SARNP: variants seen among roughly 807,000 people sequenced by gnomAD.
SARNP encodes the protein SAP domain-containing ribonucleoprotein.
In SARNP, 5 loss-of-function variants were observed where a neutral mutation model predicts 38.1. The ratio of observed to expected loss-of-function variants is 0.13; its 90% CI spans 0.07 to 0.28. The LOEUF (loss-of-function observed/expected upper bound fraction) is 0.28, where lower values mean the gene tolerates loss of function less well. Among genes scored for constraint, SARNP ranks in the 10% least tolerant of loss-of-function variants. The pLI is 1.00. For missense variants in SARNP, 180 were observed against 243.9 expected (o/e 0.74, Z 1.75); for synonymous variants, 84 against 80.6 (o/e 1.04, Z -0.23).
chr12:55,793,365 AG>A (rs1427354640), intron 7 of SARNP: 2 of 152,240 alleles, frequency 1.3e-5, no homozygotes, highest in Non-Finnish European at 2.9e-5. Flanking sequence ...ACAAGCAAAA[AG>A]AAATAAATCA....
At chr12:55,816,669 A>G (rs1280532741) in intron 1 of SARNP, among the ~76,000 whole-genome samples, 2 of 152,260 alleles carry the variant, frequency 1.3e-5, no homozygotes. Context: ...GTTTGTCCAA[A>G]ACATCTAATG....
At chr12:55,768,419 C>T (rs1176361425) in intron 9 of SARNP, among the ~76,000 whole-genome samples, 5 of 151,436 alleles carry the variant, frequency 3.3e-5, no homozygotes, top group African/African-American at 1.2e-4. Context: ...CATGAGCCAC[C>T]GTGCCCAGCC....
chr12:55,800,761 T>C, intron 3 of SARNP, 93 bp downstream of exon 3: 1 of 1,332,592 alleles, frequency 7.5e-7, no homozygotes, highest in Non-Finnish European at 1.1e-6. Context: ...CCCTAATAAA[T>C]TTACATCTAA....
At chr12:55,795,703 G>A (rs1879799533) in intron 5 of SARNP, among the ~76,000 whole-genome samples, 1 of 152,328 alleles carries the variant, frequency 6.6e-6, no homozygotes, top group African/African-American at 2.4e-5. Flanking sequence ...CTGGCCAGTA[G>A]CAACATAAGA....
chr12:55,807,411 T>TA (rs1036332416), intron 1 of SARNP, among the ~76,000 whole-genome samples: 4 of 152,056 alleles, frequency 2.6e-5, no homozygotes, highest in African/African-American at 9.7e-5. Context: ...GGCTTATGCT[T>TA]ACAATTCCAG....
At chr12:55,810,050 GAA>G (rs1395945992) in intron 1 of SARNP, among the ~76,000 whole-genome samples, 2 of 152,120 alleles carry the variant, frequency 1.3e-5, no homozygotes, top group Non-Finnish European at 2.9e-5. Context: ...AACCCACAGA[GAA>G]AAGACATATC....
intron 9 of SARNP, among the ~76,000 whole-genome samples, chr12:55,765,747 T>C (rs1016349175): frequency 6.6e-6 from 1 of 151,952 alleles, no homozygotes; most frequent in Non-Finnish European, 1.5e-5. Context: ...ACAACAACAA[T>C]ACATCGTTCC....
At chr12:55,776,691 A>G (rs1879192817) in intron 9 of SARNP, among the ~76,000 whole-genome samples, 1 of 152,174 alleles carries the variant, frequency 6.6e-6, no homozygotes, top group Non-Finnish European at 1.5e-5. Context: ...GGGAGTGTGG[A>G]TAGATATTGC....
At chr12:55,808,342 G>C (rs368635364) in intron 1 of SARNP, among the ~76,000 whole-genome samples, 1 of 151,642 alleles carries the variant, frequency 6.6e-6, no homozygotes, top group African/African-American at 2.4e-5. Flanking sequence ...TTTTGAGATG[G>C]AGTTTCACTC....
At chr12:55,797,292 C>T (rs985175359) in intron 4 of SARNP, among the ~76,000 whole-genome samples, 8 of 152,158 alleles carry the variant, frequency 5.3e-5, no homozygotes, top group Non-Finnish European at 7.3e-5. Context: ...CTGACTATAA[C>T]GAAGTCCTAC....
At chr12:55,788,307 G>A (rs1879564482) in intron 9 of SARNP, among the ~76,000 whole-genome samples, 1 of 152,026 alleles carries the variant, frequency 6.6e-6, no homozygotes, top group African/African-American at 2.4e-5. Flanking sequence ...TCAGTTAGCT[G>A]AGGGGCATAA....
chr12:55,756,288 T>G (rs78380841), downstream of SARNP: 18 of 152,184 alleles, frequency 1.2e-4, no homozygotes, highest in African/African-American at 4.3e-4. Flanking sequence ...TGGGGCAAAC[T>G]TCACAACAAA....
At chr12:55,793,397 AGATAAGAGTATTAACAAT>A (rs1330598507) in intron 7 of SARNP, 1 of 152,174 alleles carries the variant, frequency 6.6e-6, no homozygotes, top group Admixed American at 6.6e-5. Context: ...CACCAACCAG[AGATAAGAGTATTAACAAT>A]TTAGAATACA....
At chr12:55,771,269 A>G (rs1879000802) in intron 9 of SARNP, among the ~76,000 whole-genome samples, 1 of 152,048 alleles carries the variant, frequency 6.6e-6, no homozygotes, top group Non-Finnish European at 1.5e-5. Context: ...ACCTTCTTCA[A>G]TCTTATTACC....
At chr12:55,790,348 AG>A (rs1408021880) in intron 8 of SARNP, among the ~76,000 whole-genome samples, 8 of 152,318 alleles carry the variant, frequency 5.3e-5, no homozygotes, top group Non-Finnish European at 1.0e-4. Context: ...AAAGAGTGGT[AG>A]GAAGGAAGAC....
Position 55,781,287 on chromosome 12 carries a change from T to C in SARNP, c.501+7788A>G, listed in dbSNP as rs534140202. ...ACAAGCTCCTCAAAAACAAGGCAGGTCCCTTTGGGAGGCCAAGGCAGGCAG... is the reference window on the plus strand; with the variant it reads ...ACAAGCTCCTCAAAAACAAGGCAGGCCCCTTTGGGAGGCCAAGGCAGGCAG... On this transcript the variant is annotated intron_variant, in intron 9 of 10. Coordinates refer to ENST00000336133, the MANE Select transcript of SARNP (RefSeq NM_033082.4). Among the ~76,000 whole-genome samples the C allele has an allele frequency of 1.2e-4, 19 of 152,104 alleles. No individual in the cohort carries two copies. In the South Asian group the frequency reaches 3.9e-3, roughly 32 times the overall value.
intron 9 of SARNP, among the ~76,000 whole-genome samples, chr12:55,766,160 C>A (rs141328071): frequency 7.2e-5 from 11 of 152,278 alleles, no homozygotes; most frequent in African/African-American, 2.6e-4. Flanking sequence ...ATTTGAAAAC[C>A]TTTCCCTTCT....
At position 55,810,521 on chromosome 12, in the gene SARNP, C is replaced by T. The variant is rs149083513; in HGVS notation, c.37-6793G>A. ...AGGCTGGAGTACAGTGGCACAATCT[C>T]GGCTCACTGCAACCTCCGTCTCTCC... On this transcript the variant is annotated intron_variant, in intron 1 of 10. Coordinates refer to ENST00000336133, the MANE Select transcript of SARNP (RefSeq NM_033082.4). Among the ~76,000 whole-genome samples, 89 of 151,024 alleles carry T rather than the reference C, an allele frequency of 5.9e-4. No individual in the cohort carries two copies. The East Asian group carries it at 0.017, about 28-fold the overall frequency.
downstream of SARNP, chr12:55,754,980 G>A (rs551173751): frequency 6.6e-6 from 1 of 152,234 alleles, no homozygotes; most frequent in African/African-American, 2.4e-5. Flanking sequence ...GAAAGTTAGG[G>A]ACACCTTGGA....
Sources: gnomAD v4.1 joint callset for allele counts (sites outside exome capture counted in the v4.1 genomes callset) on GRCh38, gnomAD v4.1.1 for gene constraint, MANE v1.5 for transcripts, NCBI Gene and HGNC (gene_info 2026-07-23, HGNC 2026-07-21) for gene names.